The following COL14A1 variants were observed in gnomAD, a reference collection of about 807,000 sequenced individuals.
COL14A1 encodes collagen alpha-1(XIV) chain.
A neutral mutation model predicts 230.3 loss-of-function variants in COL14A1; 136 were observed. The ratio of observed to expected loss-of-function variants is 0.59; its 90% CI spans 0.51 to 0.68. The LOEUF (loss-of-function observed/expected upper bound fraction) is 0.68. Ranked by LOEUF, COL14A1 falls within the 30% of genes least tolerant of loss-of-function variation. The pLI, the probability that COL14A1 is intolerant of heterozygous loss-of-function variation, is 0.00. For synonymous variants in COL14A1, 792 were observed against 784.1 expected, an observed-to-expected ratio of 1.01 and a Z score of -0.17; for missense variants, 1,976 against 2,215.8, an observed-to-expected ratio of 0.89 and a Z score of 2.17.
chr8:120,260,090 T>C (rs1819275908), intron 23 of COL14A1, among the ~76,000 whole-genome samples: 1 of 152,152 alleles, frequency 6.6e-6, no homozygotes, highest in Admixed American at 6.5e-5. Flanking sequence ...GTTGACACTA[T>C]TTACTTTGAA....
intron 26 of COL14A1, among the ~76,000 whole-genome samples, chr8:120,274,394 G>A (rs1819774979): frequency 6.6e-6 from 1 of 151,770 alleles, no homozygotes; most frequent in African/African-American, 2.4e-5. Context: ...AAAGTTGATA[G>A]CATTCCTTCT....
rs566339467 is a variant in COL14A1, at chr8:120,265,491, A to G, written c.3017-1336A>G. Among the ~76,000 whole-genome samples, 382 of 152,176 alleles carry G rather than the reference A, an allele frequency of 2.5e-3. 3 individuals are homozygous for G. Among genetic ancestry groups the G allele is most frequent in the African/African-American group, 8.8e-3 (367 of 41,540 alleles). On this transcript the variant is annotated intron_variant, in intron 24 of 47. Transcript: ENST00000297848. ...AAAATAACAGTGATATATATCCATA[A>G]TAGTAAAACAGAAATGTATAAAGTG...
intron 5 of COL14A1, among the ~76,000 whole-genome samples, chr8:120,181,508 T>C (rs1816463069): frequency 6.6e-6 from 1 of 152,140 alleles, no homozygotes; most frequent in African/African-American, 2.4e-5. Flanking sequence ...GAGTGAAAAG[T>C]GAAAAATATT....
chr8:120,152,469 C>CAAAAAAAA (rs397891260), intron 2 of COL14A1, among the ~76,000 whole-genome samples: 9 of 59,600 alleles, frequency 1.5e-4, no homozygotes, highest in East Asian at 5.1e-4. Context: ...GATTCCATCT[C>CAAAAAAAA]AAAAAAAAAA....
chr8:120,168,941 C>A (rs990926372), intron 5 of COL14A1, among the ~76,000 whole-genome samples: 1 of 152,116 alleles, frequency 6.6e-6, no homozygotes, highest in African/African-American at 2.4e-5. Context: ...CTGCAACCTC[C>A]GCCTCCTGGG....
intron 23 of COL14A1, 65 bp downstream of exon 23, chr8:120,255,421 T>TG: frequency 1.7e-6 from 2 of 1,171,446 alleles, no homozygotes; most frequent in Non-Finnish European, 2.6e-6. Context: ...TGCACACCAC[T>TG]GTGTACAACA....
At chr8:120,191,307 G>T (rs1323032643) in intron 5 of COL14A1, among the ~76,000 whole-genome samples, 2 of 151,942 alleles carry the variant, frequency 1.3e-5, no homozygotes, top group Admixed American at 1.3e-4. Flanking sequence ...TATGTACCCA[G>T]TAGTCATTCA....
intron 20 of COL14A1, 101 bp downstream of exon 20, chr8:120,244,109 A>G (rs1450798064): frequency 2.2e-6 from 3 of 1,361,836 alleles, no homozygotes; most frequent in Non-Finnish European, 3.0e-6. Context: ...TGCAGTGAAG[A>G]AACTAAAAGA....
intron 10 of COL14A1, among the ~76,000 whole-genome samples, chr8:120,207,422 A>ATT (rs33933930): frequency 0.013 from 2,011 of 152,076 alleles, 48 homozygotes; most frequent in African/African-American, 0.046. Flanking sequence ...CTATTTGTGC[A>ATT]TTTTTTCTAC....
intron 5 of COL14A1, among the ~76,000 whole-genome samples, chr8:120,177,652 CAA>C (rs60652647): frequency 0.012 from 965 of 82,816 alleles, 15 homozygotes; most frequent in East Asian, 0.084. Flanking sequence ...TTGCCTGCTT[CAA>C]AAAAAAAAAA....
At chr8:120,127,988 G>A (rs567963233) in intron 1 of COL14A1, among the ~76,000 whole-genome samples, 1 of 152,308 alleles carries the variant, frequency 6.6e-6, no homozygotes, top group South Asian at 2.1e-4. Context: ...ATCCCCCCAG[G>A]GAACTGACAG....
chr8:120,191,244 G>A (rs1297841343), intron 5 of COL14A1, among the ~76,000 whole-genome samples: 21 of 146,484 alleles, frequency 1.4e-4, no homozygotes, highest in African/African-American at 5.3e-4. Context: ...GGTATGTTGT[G>A]TCTTTGTTCT....
At chr8:120,203,007 T>TATATATATAC (rs1817304016) in intron 8 of COL14A1, among the ~76,000 whole-genome samples, 1 of 143,730 alleles carries the variant, frequency 7.0e-6, no homozygotes, top group Non-Finnish European at 1.5e-5. Context: ...TATATATATA[T>TATATATATAC]ATATATATAT....
intron 19 of COL14A1, among the ~76,000 whole-genome samples, chr8:120,239,107 C>T (rs751432825): frequency 2.0e-5 from 3 of 152,314 alleles, no homozygotes; most frequent in Non-Finnish European, 4.4e-5. Flanking sequence ...TGGCCTGGTA[C>T]ACTTTTAATC....
In COL14A1 at chr8:120,278,166, A is replaced by T. The variant is rs1819912348; in HGVS notation, c.3269A>T (p.Tyr1090Phe). 2 of 1,611,942 alleles carry T rather than the reference A, an allele frequency of 1.2e-6. No individual in the cohort carries two copies. ...AGAACAGAATTTAAACTAAATGCTT[A>T]CAAAACCAAAGAGACTCTTCTTGAT... ...DPRTEFKLNA[Y>F]KTKETLLDAI... The change falls in exon 27 of 48, where the codon TAC becomes TTC. Residue 1090 changes from tyrosine to phenylalanine, a missense_variant. Tyr to Phe is a conservative substitution (Grantham distance 22). This residue lies in a region of COL14A1 where 1,791 missense variants were observed against 2,019.5 expected (regional missense o/e 0.89). Coordinates refer to ENST00000297848, the MANE Select transcript of COL14A1 (RefSeq NM_021110.4).
At chr8:120,201,961 T>C (rs550673175) in intron 8 of COL14A1, among the ~76,000 whole-genome samples, 6 of 152,312 alleles carry the variant, frequency 3.9e-5, no homozygotes, top group African/African-American at 1.4e-4. Flanking sequence ...AAGTCCAAAC[T>C]TGTTGGATTC....
chr8:120,364,202 A>T (rs1823325437), intron 45 of COL14A1, among the ~76,000 whole-genome samples: 1 of 152,024 alleles, frequency 6.6e-6, no homozygotes, highest in Non-Finnish European at 1.5e-5. Flanking sequence ...GAGATCTACG[A>T]TGGGCCATGA....
At chr8:120,220,193 T>C (rs1297242730) in intron 14 of COL14A1, among the ~76,000 whole-genome samples, 1 of 152,076 alleles carries the variant, frequency 6.6e-6, no homozygotes, top group Non-Finnish European at 1.5e-5. Context: ...AACAATTGGG[T>C]TTTTAAGAAA....
chr8:120,229,559 C>T (rs1311814380), intron 18 of COL14A1, among the ~76,000 whole-genome samples: 4 of 152,040 alleles, frequency 2.6e-5, no homozygotes, highest in South Asian at 2.1e-4. Context: ...GTGAATAGTG[C>T]CACAATAAAC....
Sources: allele counts gnomAD v4.1 joint callset (sites outside exome capture counted in the v4.1 genomes callset), GRCh38; gene constraint gnomAD v4.1.1; regional missense constraint gnomAD v4.1.1; transcripts MANE v1.5; gene names NCBI Gene and HGNC (gene_info 2026-07-23, HGNC 2026-07-21).